Variants in TNFRSF10A observed in about 807,000 individuals in gnomAD.
TNFRSF10A encodes the protein tumor necrosis factor receptor superfamily member 10A.
Under a neutral mutation model 42.8 loss-of-function variants are expected in TNFRSF10A, and 44 were observed. The observed-to-expected ratio is 1.03, with a 90% CI of 0.81 to 1.32. The LOEUF (loss-of-function observed/expected upper bound fraction) is 1.32, where lower values mean the gene tolerates loss of function less well. Ranked by LOEUF, TNFRSF10A falls within the 40% of genes most tolerant of loss-of-function variation. The pLI is 0.00. For missense variants in TNFRSF10A, 680 were observed against 602.0 expected, an observed-to-expected ratio of 1.13 and a Z score of -1.36; for synonymous variants, 259 against 234.2, an observed-to-expected ratio of 1.11 and a Z score of -0.97.
intron 2 of TNFRSF10A, among the ~76,000 whole-genome samples, chr8:23,208,144 C>G (rs1205376242): frequency 6.6e-6 from 1 of 152,102 alleles, no homozygotes; most frequent in African/African-American, 2.4e-5. Flanking sequence ...CTGAGATGAT[C>G]TCAGATGGAG....
In TNFRSF10A at chr8:23,191,360, T is replaced by C; in HGVS notation, c.*334A>G. ...TCTTGCTCTGTGTCCCAGGCTGGAG[T>C]GCAGTGGTGCAATCTCAGCTCACTG... On this transcript the variant is annotated 3_prime_UTR_variant, in exon 10 of 10. Transcript: ENST00000221132. 2.9e-6 allele frequency: 1 copy of C among 342,324 alleles called. No homozygotes were observed. 21.2% of individuals were successfully genotyped at this position (342,324 alleles called of 1,614,324 possible).
intron 1 of TNFRSF10A, among the ~76,000 whole-genome samples, chr8:23,222,157 G>A (rs1305457798): frequency 1.3e-5 from 2 of 152,178 alleles, no homozygotes; most frequent in African/African-American, 2.4e-5. Context: ...GATTACAGGC[G>A]TTAGCCACCG....
intron 1 of TNFRSF10A, among the ~76,000 whole-genome samples, chr8:23,216,678 G>A (rs1400614155): frequency 2.0e-5 from 3 of 151,482 alleles, no homozygotes; most frequent in Non-Finnish European, 2.9e-5. Flanking sequence ...GGAGGCAGAG[G>A]TTGCAGTGAA....
At position 23,200,513 on chromosome 8, in the gene TNFRSF10A, A is replaced by AT. The variant is rs780775608; in HGVS notation, c.790dup (p.Ile264AsnfsTer29). 1.2e-6 allele frequency: 2 copies of AT among 1,614,092 alleles called. No individual in the cohort carries two copies. Among genetic ancestry groups the AT allele is most frequent in the Non-Finnish European group, 1.7e-6 (2 of 1,180,052 alleles). ...CCTCAGCCAGCACCTACCTGAGCCG[A>AT]TGCAACAACAGACAATCAGCACAGC... On this transcript the variant is annotated frameshift_variant, in exon 6 of 10. Transcript: ENST00000221132. LOFTEE classifies it high-confidence loss of function.
chr8:23,197,667 G>A (rs976503219), intron 8 of TNFRSF10A, among the ~76,000 whole-genome samples: 5 of 152,192 alleles, frequency 3.3e-5, no homozygotes, highest in Admixed American at 1.3e-4. Flanking sequence ...CACAATAAAC[G>A]TAATGTGCTT....
chr8:23,205,626 C>A (rs1391323146), intron 2 of TNFRSF10A, among the ~76,000 whole-genome samples: 2 of 152,080 alleles, frequency 1.3e-5, no homozygotes, highest in South Asian at 2.1e-4. Context: ...CCCTGAAGAT[C>A]CTCCAACGCG....
At chr8:23,221,124 C>T (rs1411702225) in intron 1 of TNFRSF10A, among the ~76,000 whole-genome samples, 1 of 152,134 alleles carries the variant, frequency 6.6e-6, no homozygotes, top group Non-Finnish European at 1.5e-5. Flanking sequence ...CAGGTGGGAG[C>T]AGGTGCAGCC....
At chr8:23,220,401 G>T (rs193127997) in intron 1 of TNFRSF10A, among the ~76,000 whole-genome samples, 115 of 152,304 alleles carry the variant, frequency 7.6e-4, no homozygotes, top group African/African-American at 2.6e-3. Flanking sequence ...AATTCTGAAG[G>T]CTCTGAAGCT....
At chr8:23,202,384 A>G (rs1800943790) in intron 3 of TNFRSF10A, among the ~76,000 whole-genome samples, 1 of 152,220 alleles carries the variant, frequency 6.6e-6, no homozygotes, top group African/African-American at 2.4e-5. Flanking sequence ...GCTGAAACTC[A>G]GCCCTGTCCA....
intron 2 of TNFRSF10A, among the ~76,000 whole-genome samples, chr8:23,205,706 T>C (rs1178322138): frequency 8.2e-6 from 1 of 121,966 alleles, no homozygotes; most frequent in Non-Finnish European, 1.8e-5. Flanking sequence ...TTAATGTCTG[T>C]GTTTCTTTTT....
chr8:23,224,726 T>G, intron 1 of TNFRSF10A, 30 bp downstream of exon 1: 1 of 1,546,130 alleles, frequency 6.5e-7, no homozygotes, highest in Non-Finnish European at 8.7e-7. Context: ...GGCGCGCTTT[T>G]CCCCAGGCAG....
At position 23,212,219 on chromosome 8, in the gene TNFRSF10A, G is replaced by A; in HGVS notation, c.307-7C>T. The A allele has an allele frequency of 1.2e-6, 2 of 1,611,964 alleles. No individual in the cohort carries two copies. The highest frequency in any genetic ancestry group is 1.7e-6 in the Non-Finnish European group (2 of 1,178,552). On this transcript the variant is annotated splice_region_variant and splice_polypyrimidine_tract_variant and intron_variant, in intron 1 of 9. Transcript: ENST00000221132. ...CAGCTGAGCTAGGTACGACCTGTGG[G>A]GACAAAGCAGGGACTGGCATGAGTG...
chr8:23,221,404 A>C (rs1201527458), intron 1 of TNFRSF10A, among the ~76,000 whole-genome samples: 1 of 152,230 alleles, frequency 6.6e-6, no homozygotes, highest in Non-Finnish European at 1.5e-5. Flanking sequence ...CTGAGTGTCT[A>C]AGCTTCAGAG....
chr8:23,202,685 A>C lies in TNFRSF10A; in HGVS notation c.480T>G (p.Asn160Lys). 6.2e-7 allele frequency: 1 copy of C among 1,613,966 alleles called. No homozygotes were observed. The highest frequency in any genetic ancestry group is 2.2e-5 in the East Asian group (1 of 44,872). Residue 160 changes from asparagine (N) to lysine (K), a missense_variant, in exon 3 of 10, where the codon AAT becomes AAG. Coordinates refer to ENST00000221132, the MANE Select transcript of TNFRSF10A (RefSeq NM_003844.4). The stretch of plus-strand genomic sequence containing the variant: ...CTGTACATGGGAGGCAAGCAAACAA[A>C]TTGTTGGAAGCATTGGTGTAACCCA... ...EGVGYTNASN[N>K]LFACLPCTAC...
At chr8:23,205,115 T>G (rs1379717540) in intron 2 of TNFRSF10A, among the ~76,000 whole-genome samples, 1 of 151,708 alleles carries the variant, frequency 6.6e-6, no homozygotes, top group Non-Finnish European at 1.5e-5. Flanking sequence ...AACAACAGAG[T>G]AAATTAATGA....
chr8:23,207,247 A>G (rs769395339), intron 2 of TNFRSF10A: 5 of 594,798 alleles, frequency 8.4e-6, no homozygotes, highest in Non-Finnish European at 1.6e-5. Flanking sequence ...AAGAAGCTCT[A>G]TGATGTTTAT....
intron 1 of TNFRSF10A, among the ~76,000 whole-genome samples, chr8:23,223,029 G>A (rs1801278708): frequency 1.3e-5 from 2 of 152,138 alleles, no homozygotes; most frequent in African/African-American, 2.4e-5. Flanking sequence ...TGCCAAATAA[G>A]CCTCTTTTAA....
intron 1 of TNFRSF10A, among the ~76,000 whole-genome samples, chr8:23,216,652 G>A (rs556279292): frequency 7.4e-4 from 112 of 151,582 alleles, no homozygotes; most frequent in African/African-American, 2.5e-3. Context: ...TGAGACAGGA[G>A]AATCACTTGA....
intron 1 of TNFRSF10A, among the ~76,000 whole-genome samples, chr8:23,222,874 C>G (rs916871253): frequency 6.6e-6 from 1 of 152,018 alleles, no homozygotes; most frequent in Non-Finnish European, 1.5e-5. Flanking sequence ...GGATCTCATC[C>G]CCCTCCTCCT....
Sources: allele counts gnomAD v4.1 joint callset (sites outside exome capture counted in the v4.1 genomes callset), GRCh38; gene constraint gnomAD v4.1.1; transcripts MANE v1.5; gene names NCBI Gene and HGNC (gene_info 2026-07-23, HGNC 2026-07-21).